Variants in RUNX3 observed in about 807,000 individuals in gnomAD.
The protein encoded by RUNX3 is runt-related transcription factor 3.
In RUNX3, 10 loss-of-function variants were observed where a neutral mutation model predicts 27.7. The observed-to-expected ratio is 0.36, with a 90% CI of 0.22 to 0.61. The LOEUF (loss-of-function observed/expected upper bound fraction) is 0.61. Among genes scored for constraint, RUNX3 ranks in the 20% least tolerant of loss-of-function variants. The probability of loss-of-function intolerance (pLI) is 0.72; values close to 1 mark genes in which losing one functional copy is unlikely to be tolerated. For synonymous variants in RUNX3, 270 were observed against 269.2 expected, an observed-to-expected ratio of 1.00 and a Z score of -0.03; for missense variants, 469 against 629.5, an observed-to-expected ratio of 0.75 and a Z score of 2.73.
rs575527920 is a variant in RUNX3 at position 24,904,269 on chromosome 1, C to T, written c.704-1603G>A. Among the ~76,000 whole-genome samples the T allele has an allele frequency of 7.9e-5, 12 of 152,298 alleles. No homozygotes were observed. Among genetic ancestry groups the T allele is most frequent in the Non-Finnish European group, 1.5e-4 (10 of 68,024 alleles). On this transcript the variant is annotated intron_variant, in intron 4 of 4. Coordinates refer to ENST00000308873, the MANE Select transcript of RUNX3 (RefSeq NM_004350.3). The surrounding 1 kb of genome is among the most constrained non-coding windows in gnomAD (Gnocchi z 5.7). ...TATGAGCCTGAGGTGTGTGTGACTTCGGCTGGGACTTGGAACTTCTCGGGG... is the reference window on the plus strand; with the variant it reads ...TATGAGCCTGAGGTGTGTGTGACTTTGGCTGGGACTTGGAACTTCTCGGGG...
chr1:24,949,164 C>T (rs1346376916), intron 2 of RUNX3, among the ~76,000 whole-genome samples: 1 of 151,990 alleles, frequency 6.6e-6, no homozygotes, highest in Non-Finnish European at 1.5e-5. Context: ...TGGAGCTGAG[C>T]ACTTCAGGTT....
At chr1:24,910,796 A>G (rs1027015131) in intron 3 of RUNX3, among the ~76,000 whole-genome samples, 1 of 152,220 alleles carries the variant, frequency 6.6e-6, no homozygotes, top group Non-Finnish European at 1.5e-5. Flanking sequence ...GTCTCTGGCC[A>G]GGCCCCCACT....
intron 4 of RUNX3, among the ~76,000 whole-genome samples, chr1:24,906,915 G>C (rs1268014099): frequency 6.6e-6 from 1 of 152,188 alleles, no homozygotes; most frequent in African/African-American, 2.4e-5. Context: ...GGGCGAGTCT[G>C]TCACGGCTCC....
At chr1:24,941,782 G>A (rs777464182) in intron 2 of RUNX3, among the ~76,000 whole-genome samples, 2 of 152,274 alleles carry the variant, frequency 1.3e-5, no homozygotes, top group East Asian at 1.9e-4. Flanking sequence ...CTGAGTCCCC[G>A]CCTCCTTACA....
chr1:24,919,170 T>C, intron 3 of RUNX3, 70 bp downstream of exon 3: 1 of 944,164 alleles, frequency 1.1e-6, no homozygotes, highest in Non-Finnish European at 1.6e-6. Context: ...CTGTCTGACC[T>C]AGCTGCTGTC....
rs1641190221 is a variant in RUNX3 at position 24,930,160 on chromosome 1, G to A, written c.-292C>T. On this transcript the variant is annotated 5_prime_UTR_variant, in exon 1 of 5. Transcript: ENST00000308873. The surrounding 1 kb of genome is among the most constrained non-coding windows in gnomAD (Gnocchi z 4.1). ...CGTGGCTGTCCCGGCTGCCTGGGCC[G>A]CGGCGGGGCCCGCGCGGGGCTGTGC... is the stretch of plus-strand genomic sequence containing the variant. The A allele has an allele frequency of 1.7e-5, 17 of 979,012 alleles. No individual in the cohort carries two copies. The highest frequency in any genetic ancestry group is 2.1e-5 in the Non-Finnish European group (17 of 827,306). The allele number at this position is 979,012 out of a possible 1,614,324, so 60.6% of individuals were successfully genotyped here. A position where few individuals can be genotyped will look rare whatever the true frequency, so the allele number is the denominator to read the frequency against.
At position 24,900,883 on chromosome 1, in the gene RUNX3, G is replaced by A. The variant is rs756153049; in HGVS notation, c.*1239C>T. The A allele has an allele frequency of 3.3e-5, 5 of 152,194 alleles. No homozygotes were observed. The highest frequency in any genetic ancestry group is 3.3e-4 in the Admixed American group (5 of 15,278). 9.4% of individuals were successfully genotyped at this position (152,194 alleles called of 1,614,324 possible). A position where few individuals can be genotyped will look rare whatever the true frequency, so the allele number is the denominator to read the frequency against. ...TCAGGAGGCAGCTGGGGGTCCGCGG[G>A]GGGGAGAGGGGGCGGGGATGTTGCT... is the stretch of plus-strand genomic sequence containing the variant. On this transcript the variant is annotated 3_prime_UTR_variant, in exon 5 of 5. Coordinates refer to ENST00000308873, the MANE Select transcript of RUNX3 (RefSeq NM_004350.3).
intron 2 of RUNX3, among the ~76,000 whole-genome samples, chr1:24,964,324 C>G (rs1001768747): frequency 5.9e-5 from 9 of 152,220 alleles, no homozygotes; most frequent in African/African-American, 2.2e-4. Context: ...GATGAAAGTG[C>G]CACAGCGATG....
chr1:24,932,647 G>A (rs1394911165), upstream of RUNX3, among the ~76,000 whole-genome samples: 1 of 152,180 alleles, frequency 6.6e-6, no homozygotes, highest in African/African-American at 2.4e-5. Context: ...AGGCACCCGG[G>A]GAAGACCCAC....
intron 1 of RUNX3, 157 bp downstream of exon 1, chr1:24,929,430 G>A: frequency 5.1e-6 from 4 of 776,864 alleles, no homozygotes; most frequent in East Asian, 2.7e-5. Context: ...CCGAGGTCCC[G>A]GAGCCGAGCG....
chr1:24,947,232 C>A (rs985148519), intron 2 of RUNX3, among the ~76,000 whole-genome samples: 15 of 152,188 alleles, frequency 9.9e-5, no homozygotes, highest in African/African-American at 3.6e-4. Context: ...AGTCCGGCTG[C>A]CTGCTACCTG....
chr1:24,940,528 G>T (rs898855451), intron 2 of RUNX3, among the ~76,000 whole-genome samples: 1 of 152,142 alleles, frequency 6.6e-6, no homozygotes, highest in Non-Finnish European at 1.5e-5. Flanking sequence ...GGTCATCCCA[G>T]AATTTCTGCT....
At chr1:24,949,440 G>A (rs549176427) in intron 2 of RUNX3, among the ~76,000 whole-genome samples, 274 of 152,208 alleles carry the variant, frequency 1.8e-3, no homozygotes, top group African/African-American at 6.3e-3. Context: ...CTGTGACTCA[G>A]ACCCTGCCCA....
In RUNX3 at chr1:24,962,701, C is replaced by T. The variant is rs1642148424; in HGVS notation, c.58+1813G>A. ...CTTCTGTGCCACTGCTGGCCAGGAT[C>T]AGCCCGCTCTGCCCAGCGGCCTCCT... is the stretch of plus-strand genomic sequence containing the variant. On this transcript the variant is annotated intron_variant, in intron 2 of 6. Transcript: ENST00000338888. This position sits in a 1 kb window ranked among gnomAD's most constrained non-coding sequence, Gnocchi z 4.5. 5.9e-5 allele frequency among the ~76,000 whole-genome samples: 9 copies of T among 152,328 alleles called. No individual in the cohort carries two copies. The South Asian group carries it at 1.9e-3, about 32-fold the overall frequency.
At chr1:24,922,138 T>C (rs185941500) in intron 2 of RUNX3, among the ~76,000 whole-genome samples, 308 of 151,034 alleles carry the variant, frequency 2.0e-3, no homozygotes, top group African/African-American at 7.1e-3. Flanking sequence ...CCCTTCCTTC[T>C]TTTCCTTCCC....
At chr1:24,932,471 C>A (rs1641254179), upstream of RUNX3, among the ~76,000 whole-genome samples, 1 of 152,122 alleles carries the variant, frequency 6.6e-6, no homozygotes, top group Non-Finnish European at 1.5e-5. Flanking sequence ...GCTACAGATG[C>A]GCGCCAGCTG....
intron 2 of RUNX3, among the ~76,000 whole-genome samples, chr1:24,955,992 A>G (rs1462964392): frequency 6.6e-6 from 1 of 152,238 alleles, no homozygotes; most frequent in African/African-American, 2.4e-5. Context: ...CTCCAGGGAA[A>G]CTGTCTGCAG....
At chr1:24,957,871 G>C (rs2124381403) in intron 2 of RUNX3, among the ~76,000 whole-genome samples, 1 of 152,350 alleles carries the variant, frequency 6.6e-6, no homozygotes, top group South Asian at 2.1e-4. Context: ...GGCAGAGCCT[G>C]GCTGCAGCTG....
Position 24,902,378 on chromosome 1 carries a change from T to G in RUNX3, c.992A>C (p.His331Pro). 6.2e-7 allele frequency: 1 copy of G among 1,611,712 alleles called. No individual in the cohort carries two copies. Among genetic ancestry groups the G allele is most frequent in the Non-Finnish European group, 8.5e-7 (1 of 1,179,618 alleles). ...GCCAGAGGATGTCCCGTAGTAGAGG[T>G]GGTAGGGGGACGGGTTGGCCTGGAA... ...GPFQANPSPYHLYYGTSSGSY... is the reference protein window; with the variant it reads ...GPFQANPSPYPLYYGTSSGSY... Residue 331 changes from histidine (H) to proline (P), a missense_variant, in exon 5 of 5, where the codon CAC becomes CCC. Physicochemically the swap from His to Pro is moderately conservative, Grantham distance 77 (BLOSUM62 -2). This residue lies in a region of RUNX3 where 279 missense variants were observed against 343.0 expected (regional missense o/e 0.81). Coordinates refer to ENST00000308873, the MANE Select transcript of RUNX3 (RefSeq NM_004350.3). This position sits in a 1 kb window ranked among gnomAD's most constrained non-coding sequence, Gnocchi z 9.2.
Sources: allele counts gnomAD v4.1 joint callset (sites outside exome capture counted in the v4.1 genomes callset), GRCh38; gene constraint gnomAD v4.1.1; regional missense constraint gnomAD v4.1.1; non-coding constraint Gnocchi (gnomAD v3.1); transcripts MANE v1.5; gene names NCBI Gene and HGNC (gene_info 2026-07-23, HGNC 2026-07-21).